ASIP: variants seen among roughly 807,000 people sequenced by gnomAD.
The protein encoded by ASIP is agouti signaling protein.
A neutral mutation model predicts 10.3 loss-of-function variants in ASIP; 11 were observed. That is an observed-to-expected ratio of 1.07 (90% CI 0.68 to 1.78). ASIP has a LOEUF of 1.78. Among genes scored for constraint, ASIP ranks in the 40% most tolerant of loss-of-function variants. ASIP has a pLI of 0.00. For missense variants in ASIP, 180 were observed against 169.2 expected (o/e 1.06, Z -0.35); for synonymous variants, 70 against 70.8 (o/e 0.99, Z 0.06).
At chr20:34,220,625 G>A (rs1342509919) in intron 1 of ASIP, among the ~76,000 whole-genome samples, 2 of 151,838 alleles carry the variant, frequency 1.3e-5, no homozygotes, top group Non-Finnish European at 2.9e-5. Context: ...AGCACAAGGT[G>A]TCATGAGACC....
chr20:34,215,245 A>G lies in ASIP; in HGVS notation c.-11+20485A>G, dbSNP rs548513768. 5 of 1,566,432 alleles carry G rather than the reference A, an allele frequency of 3.2e-6. No homozygotes were observed. The African/African-American group carries it at 5.4e-5, about 17-fold the overall frequency. ...ATCATTGGCTAAAAGGGATAAGTCA[A>G]TCCAAGAGACATAAGCCCCAACTAC... On this transcript the variant is annotated intron_variant, in intron 1 of 3. Transcript: ENST00000568305.
At chr20:34,207,556 T>G (rs896206344) in intron 1 of ASIP, among the ~76,000 whole-genome samples, 2 of 152,316 alleles carry the variant, frequency 1.3e-5, no homozygotes, top group African/African-American at 4.8e-5. Flanking sequence ...CCATTTTTGC[T>G]TTGGTTGCTT....
chr20:34,237,564 C>A (rs577021193), upstream of ASIP, among the ~76,000 whole-genome samples: 2 of 152,138 alleles, frequency 1.3e-5, no homozygotes, highest in Admixed American at 6.5e-5. Context: ...AATCTTTAGG[C>A]TTTTCTACAT....
intron 1 of ASIP, among the ~76,000 whole-genome samples, chr20:34,210,474 C>A (rs2034967329): frequency 1.3e-5 from 2 of 152,260 alleles, no homozygotes; most frequent in Non-Finnish European, 2.9e-5. Context: ...CAGCAGCTGA[C>A]ATGCTTGACT....
At chr20:34,239,278 A>G (rs553322148), upstream of ASIP, among the ~76,000 whole-genome samples, 1 of 151,320 alleles carries the variant, frequency 6.6e-6, no homozygotes, top group African/African-American at 2.4e-5. Context: ...GTGCAGTGGC[A>G]CAATCTTGGC....
chr20:34,225,245 T>C (rs2035084979), intron 1 of ASIP, among the ~76,000 whole-genome samples: 1 of 152,154 alleles, frequency 6.6e-6, no homozygotes, highest in Non-Finnish European at 1.5e-5. Context: ...TTCACCATGT[T>C]GGTCAGACTG....
At chr20:34,202,077 T>C (rs2034903328) in intron 1 of ASIP, among the ~76,000 whole-genome samples, 1 of 146,350 alleles carries the variant, frequency 6.8e-6, no homozygotes, top group Admixed American at 6.7e-5. Flanking sequence ...ATGATAAAAT[T>C]GTAAAAAAAA....
At chr20:34,206,686 C>A (rs527801604) in intron 1 of ASIP, among the ~76,000 whole-genome samples, 2 of 152,276 alleles carry the variant, frequency 1.3e-5, no homozygotes, top group African/African-American at 2.4e-5. Context: ...TCAAGCAATT[C>A]TTTTGCCTCA....
intron 1 of ASIP, among the ~76,000 whole-genome samples, chr20:34,251,650 G>A (rs1016745187): frequency 2.6e-5 from 4 of 152,196 alleles, no homozygotes; most frequent in Non-Finnish European, 5.9e-5. Flanking sequence ...AATTTGCTAT[G>A]TTCTGAATGT....
At chr20:34,217,653 T>C (rs1265835173) in intron 1 of ASIP, among the ~76,000 whole-genome samples, 3 of 151,824 alleles carry the variant, frequency 2.0e-5, no homozygotes, top group African/African-American at 7.3e-5. Flanking sequence ...CCTCCGCCTC[T>C]TGGGTTCACG....
chr20:34,235,860 G>A (rs1486437578), intron 1 of ASIP, among the ~76,000 whole-genome samples: 5 of 32,088 alleles, frequency 1.6e-4, no homozygotes, highest in East Asian at 9.2e-4. Context: ...AAGGAAGGAA[G>A]GAAGGAAAGG....
At chr20:34,211,250 A>C (rs996861743) in intron 1 of ASIP, among the ~76,000 whole-genome samples, 1 of 152,190 alleles carries the variant, frequency 6.6e-6, no homozygotes, top group Non-Finnish European at 1.5e-5. Flanking sequence ...GCCCAGGCTG[A>C]TCTCAAACTC....
intron 1 of ASIP, among the ~76,000 whole-genome samples, chr20:34,208,399 G>C (rs778499105): frequency 6.6e-6 from 1 of 152,098 alleles, no homozygotes; most frequent in Non-Finnish European, 1.5e-5. Context: ...CTGTCACCCA[G>C]GCTGGAGTGC....
chr20:34,217,752 C>G (rs1023406182), intron 1 of ASIP, among the ~76,000 whole-genome samples: 1 of 152,076 alleles, frequency 6.6e-6, no homozygotes, highest in Non-Finnish European at 1.5e-5. Context: ...TTAGTAGAGA[C>G]GGGGTTTCAC....
At chr20:34,225,316 G>A (rs1263110414) in intron 1 of ASIP, among the ~76,000 whole-genome samples, 12 of 151,720 alleles carry the variant, frequency 7.9e-5, no homozygotes, top group African/African-American at 2.7e-4. Flanking sequence ...TGGGATTATA[G>A]GTGTGAGCCA....
At chr20:34,207,998 C>T (rs1035487342) in intron 1 of ASIP, among the ~76,000 whole-genome samples, 4 of 151,950 alleles carry the variant, frequency 2.6e-5, no homozygotes, top group Admixed American at 1.3e-4. Flanking sequence ...ACCATGGTCT[C>T]GCTCTCCTGA....
chr20:34,192,515 C>T (rs1292856273), upstream of ASIP, among the ~76,000 whole-genome samples: 2 of 133,298 alleles, frequency 1.5e-5, no homozygotes, highest in African/African-American at 7.3e-5. Flanking sequence ...CCTTTTTTTT[C>T]TTCTTCTTTT....
chr20:34,216,760 A>T (rs749449844), intron 1 of ASIP, among the ~76,000 whole-genome samples: 4 of 152,122 alleles, frequency 2.6e-5, no homozygotes, highest in Non-Finnish European at 4.4e-5. Flanking sequence ...TTTGGACTTG[A>T]TCCTGTTCCA....
upstream of ASIP, among the ~76,000 whole-genome samples, chr20:34,236,591 C>T (rs1183016986): frequency 6.6e-6 from 1 of 152,152 alleles, no homozygotes; most frequent in Non-Finnish European, 1.5e-5. Flanking sequence ...TGGCTCACGC[C>T]TGTAATCCTA....
Sources: gnomAD v4.1 joint callset for allele counts (sites outside exome capture counted in the v4.1 genomes callset) on GRCh38, gnomAD v4.1.1 for gene constraint, MANE v1.5 for transcripts, NCBI Gene and HGNC (gene_info 2026-07-23, HGNC 2026-07-21) for gene names.